The following PPM1B variants were observed in gnomAD, a reference collection of about 807,000 sequenced individuals.
PPM1B encodes protein phosphatase 1B.
A neutral mutation model predicts 43.0 loss-of-function variants in PPM1B; 22 were observed. The ratio of observed to expected loss-of-function variants is 0.51; its 90% confidence interval spans 0.37 to 0.73. The LOEUF (loss-of-function observed/expected upper bound fraction) is 0.73, where lower values mean the gene tolerates loss of function less well. PPM1B is among the 30% of genes least tolerant of loss of function. The pLI, the probability that PPM1B is intolerant of heterozygous loss-of-function variation, is 0.00. For synonymous variants in PPM1B, 217 were observed against 197.9 expected, an observed-to-expected ratio of 1.10 and a Z score of -0.81; for missense variants, 632 against 584.2, an observed-to-expected ratio of 1.08 and a Z score of -0.84.
intron 5 of PPM1B, among the ~76,000 whole-genome samples, chr2:44,242,697 G>C (rs1670775796): frequency 6.6e-6 from 1 of 152,132 alleles, no homozygotes; most frequent in Non-Finnish European, 1.5e-5. Context: ...TTGATTACTA[G>C]TGAGTGAAAA....
chr2:44,216,571 C>A (rs1211090435), intron 3 of PPM1B, among the ~76,000 whole-genome samples: 1 of 152,156 alleles, frequency 6.6e-6, no homozygotes, highest in African/African-American at 2.4e-5. Context: ...TGTACCTACT[C>A]AGACTTAGGT....
intron 1 of PPM1B, among the ~76,000 whole-genome samples, chr2:44,185,457 T>G (rs561734895): frequency 6.6e-6 from 1 of 152,236 alleles, no homozygotes; most frequent in Non-Finnish European, 1.5e-5. Flanking sequence ...AATTTGCGAC[T>G]AAAGCAAAAT....
At chr2:44,245,153 A>G (rs1380644457), downstream of PPM1B, among the ~76,000 whole-genome samples, 1 of 152,198 alleles carries the variant, frequency 6.6e-6, no homozygotes, top group African/African-American at 2.4e-5. Flanking sequence ...AGAACAGCCA[A>G]TAAAGCAAAC....
intron 1 of PPM1B, among the ~76,000 whole-genome samples, chr2:44,180,012 A>G (rs1338359665): frequency 7.2e-6 from 1 of 139,228 alleles, no homozygotes; most frequent in Non-Finnish European, 1.5e-5. Flanking sequence ...TTCGTTCCAA[A>G]AAAAAAAAAA....
intron 3 of PPM1B, among the ~76,000 whole-genome samples, chr2:44,213,013 C>CAAAAA (rs57091283): frequency 1.5e-5 from 1 of 65,328 alleles, no homozygotes; most frequent in African/African-American, 4.9e-5. Context: ...ACTCCGTTTC[C>CAAAAA]AAAAAAAAAA....
intron 2 of PPM1B, among the ~76,000 whole-genome samples, chr2:44,206,671 G>A (rs1054570200): frequency 6.6e-6 from 1 of 152,192 alleles, no homozygotes; most frequent in African/African-American, 2.4e-5. Context: ...AGTGTAAGGT[G>A]TTAATTCCGT....
At chr2:44,211,563 A>T (rs1021251209) in intron 3 of PPM1B, among the ~76,000 whole-genome samples, 13 of 145,626 alleles carry the variant, frequency 8.9e-5, no homozygotes, top group African/African-American at 3.0e-4. Context: ...ATTAATAATT[A>T]TGTTATACCT....
intron 1 of PPM1B, among the ~76,000 whole-genome samples, chr2:44,179,604 C>T (rs1667761675): frequency 6.6e-6 from 1 of 152,146 alleles, no homozygotes; most frequent in African/African-American, 2.4e-5. Context: ...TATGGAATTA[C>T]TTTGCCGTTG....
At chr2:44,237,976 C>G (rs1285006778), downstream of PPM1B, among the ~76,000 whole-genome samples, 1 of 152,218 alleles carries the variant, frequency 6.6e-6, no homozygotes, top group Non-Finnish European at 1.5e-5. Flanking sequence ...TCTCGGCTCA[C>G]TGCAACCTCC....
rs565531415 is a variant in PPM1B at position 44,201,745 on chromosome 2, T to C, written c.546T>C (p.Asn182=). Reference sequence around the variant, plus strand: ...CAAGGGAAAAGGAGCGAATCCAAAATGCAGGAGGCAGCGTGATGATACAAC... The same window carrying C: ...CAAGGGAAAAGGAGCGAATCCAAAACGCAGGAGGCAGCGTGATGATACAAC... The part of the protein sequence containing the change: ...CNPREKERIQ[N]AGGSVMIQRV... The change falls in exon 2 of 6, where the codon AAT becomes AAC. Residue 182 remains asparagine, a synonymous_variant. Coordinates refer to ENST00000282412, the MANE Select transcript of PPM1B (RefSeq NM_002706.6). This position sits in a 1 kb window ranked among gnomAD's most constrained non-coding sequence, Gnocchi z 5.4. The C allele has an allele frequency of 1.9e-6, 3 of 1,614,210 alleles. No homozygotes were observed. Among genetic ancestry groups the C allele is most frequent in the South Asian group, 2.2e-5 (2 of 91,086 alleles).
chr2:44,225,592 A>G (rs1670171629), intron 5 of PPM1B, among the ~76,000 whole-genome samples: 4 of 152,182 alleles, frequency 2.6e-5, no homozygotes, highest in Non-Finnish European at 5.9e-5. Context: ...TGATTCTGTA[A>G]TGTCAGCCAT....
At chr2:44,195,139 C>T (rs1038782731) in intron 1 of PPM1B, among the ~76,000 whole-genome samples, 2 of 151,344 alleles carry the variant, frequency 1.3e-5, no homozygotes, top group Non-Finnish European at 2.9e-5. Context: ...GTGATCTGCC[C>T]GTCTCGGCCT....
At chr2:44,207,913 C>G (rs1216891057) in intron 2 of PPM1B, among the ~76,000 whole-genome samples, 3 of 114,710 alleles carry the variant, frequency 2.6e-5, no homozygotes, top group African/African-American at 6.9e-5. Context: ...TTTTTGGAGA[C>G]AGTCTCACTC....
At chr2:44,170,421 G>GA (rs374161307) in intron 1 of PPM1B, among the ~76,000 whole-genome samples, 263 of 152,302 alleles carry the variant, frequency 1.7e-3, no homozygotes, top group African/African-American at 6.0e-3. Context: ...GCTATTTTAG[G>GA]AAAAACATTC....
chr2:44,246,422 A>G (rs890655703), downstream of PPM1B, among the ~76,000 whole-genome samples: 11 of 152,132 alleles, frequency 7.2e-5, no homozygotes, highest in South Asian at 4.1e-4. Flanking sequence ...TATGTTAGCT[A>G]TCTTCTTCTT....
downstream of PPM1B, chr2:44,232,925 A>G: frequency 1.0e-6 from 1 of 977,690 alleles, no homozygotes; most frequent in Non-Finnish European, 1.2e-6. Flanking sequence ...CCAAATTGTA[A>G]TGTTGCCTTG....
In PPM1B at chr2:44,241,444, C is replaced by T. The variant is rs578162026; in HGVS notation, n.1547-2784C>T. Among the ~76,000 whole-genome samples the T allele has an allele frequency of 1.8e-4, 26 of 144,628 alleles. 2 individuals carry two copies. The highest frequency in any genetic ancestry group is 5.4e-4 in the African/African-American group (22 of 40,642). The allele number at this position is 144,628 out of a possible 152,430, so 94.9% of individuals were successfully genotyped here. A position where few individuals can be genotyped will look rare whatever the true frequency, so the allele number is the denominator to read the frequency against. ...AATATTTAAGTGCTGTTTAAAATGT[C>T]TTCAAGGCCAGGCTCGGTGGCTCAC... On this transcript the variant is annotated intron_variant and non_coding_transcript_variant, in intron 5 of 5. Coordinates refer to the PPM1B transcript ENST00000378540.
chr2:44,243,786 T>C (rs1176092120), intron 5 of PPM1B, among the ~76,000 whole-genome samples: 1 of 152,206 alleles, frequency 6.6e-6, no homozygotes, highest in Non-Finnish European at 1.5e-5. Context: ...ATGCCCCTTA[T>C]TATTCTACAT....
At chr2:44,218,926 T>C in intron 5 of PPM1B, 1 of 457,564 alleles carries the variant, frequency 2.2e-6, no homozygotes, top group Non-Finnish European at 4.4e-6. Flanking sequence ...AGTGAGTGAG[T>C]TGTTATTTTA....
Sources: gnomAD v4.1 joint callset for allele counts (sites outside exome capture counted in the v4.1 genomes callset) on GRCh38, gnomAD v4.1.1 for gene constraint, Gnocchi (gnomAD v3.1) non-coding constraint, MANE v1.5 for transcripts, NCBI Gene and HGNC (gene_info 2026-07-23, HGNC 2026-07-21) for gene names.